Variants in GALNT14 observed in about 807,000 individuals in gnomAD.
GALNT14 encodes the protein UDP-GalNAc:polypeptide N-acetylgalactosaminyltransferase 14.
Under a neutral mutation model 77.5 loss-of-function variants are expected in GALNT14, and 60 were observed. The ratio of observed to expected loss-of-function variants is 0.77; its 90% CI spans 0.63 to 0.96. The LOEUF is 0.96. Ranked by LOEUF, GALNT14 falls within the 40% of genes least tolerant of loss-of-function variation. GALNT14 has a pLI of 0.00. For missense variants in GALNT14, 710 were observed against 731.0 expected (o/e 0.97, Z 0.33); for synonymous variants, 280 against 281.7 (o/e 0.99, Z 0.06).
At chr2:31,114,117 A>G (rs755621509) in intron 1 of GALNT14, among the ~76,000 whole-genome samples, 3 of 152,120 alleles carry the variant, frequency 2.0e-5, no homozygotes, top group Non-Finnish European at 4.4e-5. Flanking sequence ...ACCTAACTGC[A>G]CCAGAAGCTC....
chr2:31,120,025 G>A (rs1204883969), intron 1 of GALNT14, among the ~76,000 whole-genome samples: 1 of 122,810 alleles, frequency 8.1e-6, no homozygotes, highest in African/African-American at 2.6e-5. Context: ...GCGTGGTAGC[G>A]GGCGCCTGTA....
At chr2:31,070,155 G>C (rs1421822277) in intron 1 of GALNT14, among the ~76,000 whole-genome samples, 2 of 152,154 alleles carry the variant, frequency 1.3e-5, no homozygotes, top group African/African-American at 2.4e-5. Flanking sequence ...CATACAGTGG[G>C]ATCCCTCGAC....
At chr2:30,938,388 T>G (rs62139548) in intron 9 of GALNT14, among the ~76,000 whole-genome samples, 1 of 123,046 alleles carries the variant, frequency 8.1e-6, no homozygotes, top group Non-Finnish European at 1.7e-5. Flanking sequence ...ACACACACTC[T>G]CTCTCTCTCT....
chr2:31,133,075 C>A (rs1679063411), intron 1 of GALNT14, among the ~76,000 whole-genome samples: 1 of 152,074 alleles, frequency 6.6e-6, no homozygotes, highest in South Asian at 2.1e-4. Flanking sequence ...CCAATCAATA[C>A]TTCCCACTCC....
chr2:30,926,508 G>C (rs1665390072), intron 11 of GALNT14, among the ~76,000 whole-genome samples: 1 of 152,138 alleles, frequency 6.6e-6, no homozygotes, highest in Non-Finnish European at 1.5e-5. Context: ...GGAACTCAAA[G>C]GATAGGTTTA....
At chr2:30,990,495 A>G (rs1470460538) in intron 2 of GALNT14, among the ~76,000 whole-genome samples, 1 of 152,210 alleles carries the variant, frequency 6.6e-6, no homozygotes, top group Non-Finnish European at 1.5e-5. Flanking sequence ...ATGAGATCCT[A>G]TAGACGGAAG....
chr2:31,064,048 A>G (rs1319319431), intron 1 of GALNT14, among the ~76,000 whole-genome samples: 1 of 152,206 alleles, frequency 6.6e-6, no homozygotes, highest in Admixed American at 6.5e-5. Context: ...TGCAGATGGC[A>G]AAGAAGGAGA....
At chr2:31,127,343 A>G (rs1371451118) in intron 1 of GALNT14, among the ~76,000 whole-genome samples, 3 of 152,250 alleles carry the variant, frequency 2.0e-5, no homozygotes, top group Non-Finnish European at 4.4e-5. Context: ...CTAAGAAAGG[A>G]TTTTATATTT....
intron 9 of GALNT14, 22 bp from the exon 10 acceptor site, chr2:30,932,216 C>G (rs776254943): frequency 1.4e-6 from 2 of 1,442,218 alleles, no homozygotes; most frequent in Non-Finnish European, 1.8e-6. Flanking sequence ...TCACGCCCCT[C>G]CTATGACCTC....
intron 1 of GALNT14, among the ~76,000 whole-genome samples, chr2:31,045,199 C>T (rs549020449): frequency 2.6e-4 from 39 of 152,184 alleles, no homozygotes; most frequent in African/African-American, 8.9e-4. Context: ...GAAAACTGGC[C>T]CAAACCTTGA....
chr2:30,904,235 C>CGTCTACA, the GALNT14 span, among the ~76,000 whole-genome samples: 15 of 152,322 alleles, frequency 9.8e-5, no homozygotes, highest in Admixed American at 7.2e-4. Flanking sequence ...GAACAGCTCC[C>CGTCTACA]GTCTACAGCT....
chr2:30,991,292 A>G (rs1669682054), intron 2 of GALNT14: 1 of 151,658 alleles, frequency 6.6e-6, no homozygotes, highest in Non-Finnish European at 1.5e-5. Flanking sequence ...ACAAGGGTCC[A>G]CCTGCCTAAG....
At chr2:31,059,178 T>C (rs1389731200) in intron 1 of GALNT14, among the ~76,000 whole-genome samples, 1 of 152,230 alleles carries the variant, frequency 6.6e-6, no homozygotes, top group African/African-American at 2.4e-5. Flanking sequence ...CAATATTTCT[T>C]AAGCCTTGGT....
intron 1 of GALNT14, among the ~76,000 whole-genome samples, chr2:31,048,164 G>T (rs898933561): frequency 2.0e-5 from 3 of 152,266 alleles, no homozygotes. Context: ...CCCAGAAGGG[G>T]ATGTGCAGAG....
At chr2:30,901,741 A>G in the GALNT14 span, among the ~76,000 whole-genome samples, 3 of 152,034 alleles carry the variant, frequency 2.0e-5, no homozygotes, top group Admixed American at 2.0e-4. Flanking sequence ...TACACACATC[A>G]CACCAATAAA....
At chr2:31,084,198 T>C (rs1676298128) in intron 1 of GALNT14, among the ~76,000 whole-genome samples, 1 of 152,336 alleles carries the variant, frequency 6.6e-6, no homozygotes, top group South Asian at 2.1e-4. Flanking sequence ...CCGATTATTA[T>C]GCCCCATTTT....
intron 1 of GALNT14, among the ~76,000 whole-genome samples, chr2:31,016,096 G>A (rs78140531): frequency 0.024 from 3,635 of 152,196 alleles, 134 homozygotes; most frequent in African/African-American, 0.083. Flanking sequence ...CATAGACCAC[G>A]GGGCTTAAAC....
chr2:31,064,941 C>T (rs990605085), intron 1 of GALNT14, among the ~76,000 whole-genome samples: 23 of 150,078 alleles, frequency 1.5e-4, no homozygotes, highest in African/African-American at 5.6e-4. Context: ...ACTCTTCGCA[C>T]GTTTAAAGTG....
the GALNT14 span, among the ~76,000 whole-genome samples, chr2:30,887,312 C>G: frequency 6.6e-6 from 1 of 152,174 alleles, no homozygotes; most frequent in African/African-American, 2.4e-5. Context: ...TTTTTCACAG[C>G]AGCTGACATT....
Sources: allele counts gnomAD v4.1 joint callset (sites outside exome capture counted in the v4.1 genomes callset), GRCh38; gene constraint gnomAD v4.1.1; transcripts MANE v1.5; gene names NCBI Gene and HGNC (gene_info 2026-07-23, HGNC 2026-07-21).